RC3H1: variants seen among roughly 807,000 people sequenced by gnomAD.
RC3H1 encodes ring finger and CCCH-type domains 1, also known as roquin-1.
Under a neutral mutation model 138.2 loss-of-function variants are expected in RC3H1, and 50 were observed. The ratio of observed to expected loss-of-function variants is 0.36; its 90% CI spans 0.29 to 0.46. The LOEUF is 0.46. Among genes scored for constraint, RC3H1 ranks in the 20% least tolerant of loss-of-function variants. RC3H1 has a pLI of 1.00. For missense variants in RC3H1, 1,031 were observed against 1,388.1 expected (o/e 0.74, Z 4.09); for synonymous variants, 462 against 489.1 (o/e 0.94, Z 0.73).
chr1:174,019,985 T>G (rs1661928240), intron 1 of RC3H1, among the ~76,000 whole-genome samples: 1 of 152,124 alleles, frequency 6.6e-6, no homozygotes, highest in African/African-American at 2.4e-5. Context: ...GGTGAGATTG[T>G]TTTCATAACA....
At chr1:173,947,297 A>G in intron 15 of RC3H1, 72 bp downstream of exon 15, 1 of 1,013,286 alleles carries the variant, frequency 9.9e-7, no homozygotes, top group Non-Finnish European at 1.5e-6. Flanking sequence ...CTGATAGTAA[A>G]TGGAGAGCAG....
At chr1:173,998,092 C>T (rs1331504645) in intron 1 of RC3H1, among the ~76,000 whole-genome samples, 1 of 152,122 alleles carries the variant, frequency 6.6e-6, no homozygotes, top group Non-Finnish European at 1.5e-5. Context: ...AATATACCAA[C>T]ATCCAGATTT....
At chr1:173,948,617 G>A (rs1036489277) in intron 14 of RC3H1, among the ~76,000 whole-genome samples, 1 of 152,040 alleles carries the variant, frequency 6.6e-6, no homozygotes, top group Non-Finnish European at 1.5e-5. Flanking sequence ...TTGTTTGTTT[G>A]TTTTTGAGAC....
chr1:174,013,791 A>C (rs1230616143), intron 1 of RC3H1, among the ~76,000 whole-genome samples: 1 of 151,804 alleles, frequency 6.6e-6, no homozygotes, highest in Non-Finnish European at 1.5e-5. Flanking sequence ...AAAAGACATG[A>C]AGAGGGCCAG....
At position 173,932,772 on chromosome 1, in the gene RC3H1, T is replaced by C. The variant is rs147378531; in HGVS notation, c.*5949A>G. ...TGACAGCCAATCAATGGAGAAAGAT[T>C]ACACAAATAAATGGTGATTAAAAAA... On this transcript the variant is annotated 3_prime_UTR_variant, in exon 20 of 20. Transcript: ENST00000367696. The C allele has an allele frequency of 3.3e-4, 50 of 152,128 alleles. No individual in the cohort carries two copies. Among genetic ancestry groups the C allele is most frequent in the Middle Eastern group, 3.4e-3 (1 of 294 alleles). 9.4% of individuals were successfully genotyped at this position (152,128 alleles called of 1,614,324 possible). A position where few individuals can be genotyped will look rare whatever the true frequency, so the allele number is the denominator to read the frequency against.
chr1:173,960,176 G>C (rs1303969886), intron 13 of RC3H1, among the ~76,000 whole-genome samples: 1 of 149,788 alleles, frequency 6.7e-6, no homozygotes, highest in East Asian at 2.0e-4. Flanking sequence ...TGCAGTCCCA[G>C]CTACTTGGGA....
rs1658695498 is a variant in RC3H1, at chr1:173,938,578, T to C, written c.*143A>G. ...GTGCAGGGTTTGTTTTTAGTAGTGGTGTTTGTGCACATTGCCTCTGGTGAA... is the reference window on the plus strand; with the variant it reads ...GTGCAGGGTTTGTTTTTAGTAGTGGCGTTTGTGCACATTGCCTCTGGTGAA... On this transcript the variant is annotated 3_prime_UTR_variant, in exon 20 of 20. Transcript: ENST00000367696. The C allele has an allele frequency of 3.7e-6, 2 of 535,644 alleles. No homozygotes were observed. Among genetic ancestry groups the C allele is most frequent in the South Asian group, 4.4e-5 (1 of 22,760 alleles). The allele number at this position is 535,644 out of a possible 1,614,324, so 33.2% of individuals were successfully genotyped here. A position where few individuals can be genotyped will look rare whatever the true frequency, so the allele number is the denominator to read the frequency against.
Position 173,980,801 on chromosome 1 carries a change from G to A in RC3H1, c.969+8C>T. On this transcript the variant is annotated splice_region_variant and intron_variant, in intron 6 of 19. Transcript: ENST00000367696. ...AGTCTAAGAAGTAAGGAACAAAAAA[G>A]GTCCTACCTTGTCAATAATGGACTG... The A allele has an allele frequency of 6.2e-7, 1 of 1,606,976 alleles. No individual in the cohort carries two copies. The highest frequency in any genetic ancestry group is 8.5e-7 in the Non-Finnish European group (1 of 1,174,690).
intron 13 of RC3H1, among the ~76,000 whole-genome samples, chr1:173,956,434 C>G (rs1159684329): frequency 6.6e-6 from 1 of 151,860 alleles, no homozygotes; most frequent in Non-Finnish European, 1.5e-5. Context: ...CCAAGGCAGG[C>G]GGATCACCTG....
chr1:173,943,508 C>T lies in RC3H1; in HGVS notation c.3069G>A (p.Glu1023=). 6.2e-7 allele frequency: 1 copy of T among 1,614,148 alleles called. No homozygotes were observed. The highest frequency in any genetic ancestry group is 8.5e-7 in the Non-Finnish European group (1 of 1,179,996). Residue 1023 remains glutamate, a synonymous_variant, in exon 18 of 20, where the codon GAG becomes GAA. Coordinates refer to ENST00000367696, the MANE Select transcript of RC3H1 (RefSeq NM_172071.4). ...CCTGGTGCAGTTCCAAGCTCAACTG[C>T]TCACTTGAGATCATCCCAGGCCATT... ...PPKWPGMISS[E]QLSLELHQVE...
chr1:173,977,479 C>T, intron 7 of RC3H1, among the ~76,000 whole-genome samples: 1 of 152,150 alleles, frequency 6.6e-6, no homozygotes, highest in Non-Finnish European at 1.5e-5. Context: ...AGAATGAGGT[C>T]ATTATCAGAA....
rs759998100 is a variant in RC3H1, at chr1:173,984,516, G to A, written c.335C>T (p.Pro112Leu). The A allele has an allele frequency of 3.7e-6, 6 of 1,613,284 alleles. No homozygotes were observed. In the African/African-American group the frequency reaches 4.0e-5, roughly 11 times the overall value. ...AAACTTACCTCTAGCACTGCTGAGC[G>A]GTTTTAAGTACAATGCTAATTCTTC... Reference protein sequence around the residue: ...CVEELALYLKPLSSARGVGLN... With the variant: ...CVEELALYLKLLSSARGVGLN... Residue 112 changes from proline to leucine, a missense_variant, in exon 3 of 20, where the codon CCG becomes CTG. This residue lies in a region of RC3H1 where 80 missense variants were observed against 81.1 expected (regional missense o/e 0.99). Transcript: ENST00000367696.
At chr1:173,973,558 TAGA>T (rs926916922) in intron 7 of RC3H1, among the ~76,000 whole-genome samples, 5 of 150,316 alleles carry the variant, frequency 3.3e-5, no homozygotes, top group African/African-American at 7.4e-5. Context: ...AAAAGTTTAA[TAGA>T]AGAACTATCA....
At chr1:173,989,668 C>A (rs1371865826) in intron 2 of RC3H1, among the ~76,000 whole-genome samples, 3 of 148,850 alleles carry the variant, frequency 2.0e-5, no homozygotes, top group Non-Finnish European at 4.5e-5. Context: ...TTATATTTAG[C>A]CTTTGATCCA....
At chr1:173,979,386 G>A (rs987710958) in intron 6 of RC3H1, among the ~76,000 whole-genome samples, 2 of 152,166 alleles carry the variant, frequency 1.3e-5, no homozygotes, top group African/African-American at 2.4e-5. Context: ...AGTGGCTCAC[G>A]CCTGTAATCC....
At chr1:174,003,842 T>C (rs956938976) in intron 1 of RC3H1, among the ~76,000 whole-genome samples, 8 of 151,836 alleles carry the variant, frequency 5.3e-5, no homozygotes, top group Middle Eastern at 3.4e-3. Flanking sequence ...TTTGTATTTT[T>C]AGTAGAGACG....
In RC3H1 at chr1:173,935,819, T is replaced by C. The variant is rs1167372733; in HGVS notation, c.*2902A>G. 6.6e-6 allele frequency: 1 copy of C among 152,204 alleles called. No individual in the cohort carries two copies. Among genetic ancestry groups the C allele is most frequent in the African/African-American group, 2.4e-5 (1 of 41,454 alleles). The allele number at this position is 152,204 out of a possible 1,614,324, so 9.4% of individuals were successfully genotyped here. ...AGAATTTCCATTAGGTAAGGTGGAATGACCAATTTAAAATACATTATAGGC... is the reference window on the plus strand; with the variant it reads ...AGAATTTCCATTAGGTAAGGTGGAACGACCAATTTAAAATACATTATAGGC... On this transcript the variant is annotated 3_prime_UTR_variant, in exon 20 of 20. Coordinates refer to ENST00000367696, the MANE Select transcript of RC3H1 (RefSeq NM_172071.4).
At chr1:173,990,312 C>A (rs1661220859) in intron 2 of RC3H1, among the ~76,000 whole-genome samples, 1 of 151,872 alleles carries the variant, frequency 6.6e-6, no homozygotes, top group Non-Finnish European at 1.5e-5. Context: ...CTCCTGGCCT[C>A]AAGAGATCTG....
intron 8 of RC3H1, 31 bp downstream of exon 8, chr1:173,972,478 G>T: frequency 6.7e-7 from 1 of 1,502,038 alleles, no homozygotes; most frequent in Non-Finnish European, 9.3e-7. Flanking sequence ...TCCACAGTGG[G>T]TTAACTCTAA....
Sources: gnomAD v4.1 joint callset for allele counts (sites outside exome capture counted in the v4.1 genomes callset) on GRCh38, gnomAD v4.1.1 for gene constraint, gnomAD v4.1.1 regional missense constraint, MANE v1.5 for transcripts, NCBI Gene and HGNC (gene_info 2026-07-23, HGNC 2026-07-21) for gene names.